Variants in ADAMTSL1 observed in about 807,000 individuals in gnomAD.
ADAMTSL1 encodes the protein ADAMTS like 1.
ADAMTSL1 carries 126 observed loss-of-function variants against 201.8 expected under a neutral mutation model. That is an observed-to-expected ratio of 0.62 (90% confidence interval 0.54 to 0.72). ADAMTSL1 has a LOEUF of 0.72. ADAMTSL1 is among the 30% of genes least tolerant of loss of function. The probability of loss-of-function intolerance (pLI) is 0.00; values close to 1 mark genes in which losing one functional copy is unlikely to be tolerated. For synonymous variants in ADAMTSL1, 1,121 were observed against 903.4 expected (o/e 1.24, Z -4.32); for missense variants, 2,679 against 2,277.8 (o/e 1.18, Z -3.59).
At chr9:18,757,545 T>A (rs1485334459) in intron 16 of ADAMTSL1, among the ~76,000 whole-genome samples, 3 of 152,102 alleles carry the variant, frequency 2.0e-5, no homozygotes, top group Admixed American at 2.0e-4. Flanking sequence ...GTCCCTGCCC[T>A]GTCTCCAGGC....
At chr9:18,417,288 G>A (rs1304187696) in intron 2 of ADAMTSL1, among the ~76,000 whole-genome samples, 1 of 149,114 alleles carries the variant, frequency 6.7e-6, no homozygotes, top group Middle Eastern at 3.4e-3. Context: ...AAGAAAAAAG[G>A]TCTTCATACA....
At chr9:18,803,651 C>A (rs150892563) in intron 20 of ADAMTSL1, among the ~76,000 whole-genome samples, 1 of 152,230 alleles carries the variant, frequency 6.6e-6, no homozygotes, top group Admixed American at 6.5e-5. Flanking sequence ...TTTAGAGACA[C>A]CAAACCAAAA....
At chr9:18,690,042 T>C (rs917154612) in intron 13 of ADAMTSL1, among the ~76,000 whole-genome samples, 1 of 152,328 alleles carries the variant, frequency 6.6e-6, no homozygotes, top group African/African-American at 2.4e-5. Context: ...AAGGCAGCAG[T>C]AATATCTGGA....
At chr9:18,209,140 G>A (rs762628374) in intron 2 of ADAMTSL1, among the ~76,000 whole-genome samples, 1 of 152,052 alleles carries the variant, frequency 6.6e-6, no homozygotes, top group Admixed American at 6.6e-5. Context: ...GTATAAATTT[G>A]CAAGAACATT....
chr9:18,394,475 A>AT (rs1817671203), intron 2 of ADAMTSL1, among the ~76,000 whole-genome samples: 1 of 151,350 alleles, frequency 6.6e-6, no homozygotes, highest in Non-Finnish European at 1.5e-5. Context: ...ATATAAATGA[A>AT]TAGACCCATT....
chr9:18,038,891 C>T (rs1307869967), intron 1 of ADAMTSL1, among the ~76,000 whole-genome samples: 1 of 152,182 alleles, frequency 6.6e-6, no homozygotes, highest in East Asian at 1.9e-4. Flanking sequence ...AGCTGAAGGT[C>T]AGATTTCTGC....
At chr9:18,390,719 C>A (rs962549465) in intron 2 of ADAMTSL1, among the ~76,000 whole-genome samples, 1 of 152,080 alleles carries the variant, frequency 6.6e-6, no homozygotes, top group African/African-American at 2.4e-5. Context: ...AAGATACTTG[C>A]ATTCAGCACC....
intron 2 of ADAMTSL1, among the ~76,000 whole-genome samples, chr9:18,454,030 C>T (rs1048855606): frequency 6.6e-6 from 1 of 152,128 alleles, no homozygotes; most frequent in Admixed American, 6.5e-5. Context: ...ATACAGATAT[C>T]GGTATGCAAG....
chr9:18,662,908 A>G (rs188880246), intron 9 of ADAMTSL1, among the ~76,000 whole-genome samples: 4 of 152,324 alleles, frequency 2.6e-5, no homozygotes, highest in Non-Finnish European at 1.5e-5. Flanking sequence ...AGAATATAAG[A>G]AAAATCTTCC....
chr9:18,037,531 A>G (rs1821252130), intron 1 of ADAMTSL1, among the ~76,000 whole-genome samples: 2 of 152,312 alleles, frequency 1.3e-5, no homozygotes, highest in Middle Eastern at 3.4e-3. Flanking sequence ...AGTATATTAA[A>G]TAAGTGTTAA....
intron 1 of ADAMTSL1, among the ~76,000 whole-genome samples, chr9:18,025,404 T>C (rs1820650657): frequency 6.6e-6 from 1 of 152,186 alleles, no homozygotes; most frequent in South Asian, 2.1e-4. Context: ...CATTTAAGTC[T>C]TTAATTCATT....
chr9:18,817,287 G>T, intron 21 of ADAMTSL1, 50 bp downstream of exon 21: 4 of 1,525,104 alleles, frequency 2.6e-6, no homozygotes, highest in Non-Finnish European at 3.5e-6. Flanking sequence ...CCCTGTGCTA[G>T]GTTGGGGATA....
At chr9:17,984,998 C>A (rs1015324082) in intron 1 of ADAMTSL1, among the ~76,000 whole-genome samples, 9 of 152,096 alleles carry the variant, frequency 5.9e-5, no homozygotes, top group African/African-American at 2.2e-4. Flanking sequence ...TTTGTGAGAG[C>A]AGAATAGTGC....
chr9:18,258,281 A>G (rs1442003112), intron 2 of ADAMTSL1, among the ~76,000 whole-genome samples: 1 of 152,256 alleles, frequency 6.6e-6, no homozygotes, highest in African/African-American at 2.4e-5. Context: ...GTACGCAAGA[A>G]AAAGATCAAT....
At chr9:18,131,864 A>T (rs1247597583) in intron 1 of ADAMTSL1, among the ~76,000 whole-genome samples, 1 of 151,906 alleles carries the variant, frequency 6.6e-6, no homozygotes, top group Non-Finnish European at 1.5e-5. Context: ...TCATCTATTT[A>T]AAAAAAATGT....
intron 1 of ADAMTSL1, among the ~76,000 whole-genome samples, chr9:17,946,058 ATGTGTGTGT>A (rs1827458194): frequency 1.3e-5 from 2 of 148,160 alleles, no homozygotes; most frequent in African/African-American, 5.0e-5. Context: ...CATGATGTGT[ATGTGTGTGT>A]GTGTGTGTGT....
At chr9:18,196,625 C>T (rs1479913322) in intron 2 of ADAMTSL1, among the ~76,000 whole-genome samples, 1 of 152,028 alleles carries the variant, frequency 6.6e-6, no homozygotes, top group Non-Finnish European at 1.5e-5. Flanking sequence ...CTCTTCAAAC[C>T]CGATCATCTA....
chr9:18,492,249 A>C (rs1822304639), intron 1 of ADAMTSL1, among the ~76,000 whole-genome samples: 1 of 152,152 alleles, frequency 6.6e-6, no homozygotes, highest in Admixed American at 6.5e-5. Context: ...ATTCCTTAAC[A>C]CTTGGCTAGG....
At chr9:17,981,147 A>C (rs541311122) in intron 1 of ADAMTSL1, among the ~76,000 whole-genome samples, 1 of 152,308 alleles carries the variant, frequency 6.6e-6, no homozygotes, top group African/African-American at 2.4e-5. Context: ...GCTTATCCAA[A>C]CCATAGCAGA....
Sources: allele counts gnomAD v4.1 joint callset (sites outside exome capture counted in the v4.1 genomes callset), GRCh38; gene constraint gnomAD v4.1.1; transcripts MANE v1.5; gene names NCBI Gene and HGNC (gene_info 2026-07-23, HGNC 2026-07-21).